Variants in ANAPC1 observed in about 807,000 individuals in gnomAD.
ANAPC1 encodes the protein anaphase-promoting complex subunit 1.
In ANAPC1, 36 loss-of-function variants were observed where a neutral mutation model predicts 208.0. The ratio of observed to expected loss-of-function variants is 0.17; its 90% CI spans 0.13 to 0.23. The LOEUF is 0.23. ANAPC1 is among the 10% of genes least tolerant of loss of function. The pLI is 1.00. For synonymous variants in ANAPC1, 378 were observed against 695.2 expected, an observed-to-expected ratio of 0.54 and a Z score of 7.18; for missense variants, 942 against 2,011.6, an observed-to-expected ratio of 0.47 and a Z score of 10.17.
chr2:111,784,041 T>G (rs1573315998), intron 41 of ANAPC1, 77 bp from the exon 42 acceptor site: 1 of 787,168 alleles, frequency 1.3e-6, no homozygotes, highest in East Asian at 2.6e-5. Context: ...CCTATGTTTC[T>G]CAGAGGAAAC....
chr2:111,792,885 G>A (rs60558456), intron 37 of ANAPC1, among the ~76,000 whole-genome samples: 26,142 of 151,990 alleles, frequency 0.17, 2,289 homozygotes, highest in East Asian at 0.26. Context: ...CCCGGGGTGC[G>A]GAGCTCGCAG....
intron 19 of ANAPC1, among the ~76,000 whole-genome samples, chr2:111,834,333 G>A (rs890011974): frequency 6.6e-6 from 1 of 152,134 alleles, no homozygotes; most frequent in African/African-American, 2.4e-5. Context: ...CAGTCATCCT[G>A]TCAAAATGAA....
chr2:111,842,340 A>G (rs1347749336), intron 17 of ANAPC1, among the ~76,000 whole-genome samples: 1 of 152,282 alleles, frequency 6.6e-6, no homozygotes, highest in South Asian at 2.1e-4. Flanking sequence ...GACAAAAAAC[A>G]AATTTTAAAA....
In ANAPC1 at chr2:111,856,654, T is replaced by C. The variant is rs772755271; in HGVS notation, c.1475A>G (p.Glu492Gly). ...GTATAGCACCAGGTTTCCACTGCCT[T>C]CCAAGACCAGCATGGTGTCTATTTT... ...VEKIDTMLVL[E>G]GSGNLVLYTG... The change falls in exon 13 of 48, where the codon GAA (glutamate) becomes GGA (glycine). Residue 492 changes from glutamate (E) to glycine (G), a missense_variant. Transcript: ENST00000341068. The C allele has an allele frequency of 6.8e-6, 11 of 1,613,842 alleles. No homozygotes were observed. The South Asian group carries it at 1.1e-4, about 16-fold the overall frequency.
At chr2:111,870,011 C>T (rs1558740275) in intron 6 of ANAPC1, among the ~76,000 whole-genome samples, 2 of 152,192 alleles carry the variant, frequency 1.3e-5, no homozygotes, top group Non-Finnish European at 2.9e-5. Flanking sequence ...AGAATCATGG[C>T]CTCCAGTTCC....
rs534142430 is a variant in ANAPC1, at chr2:111,864,526, A to G, written c.831+280T>C. Among the ~76,000 whole-genome samples, 7 of 128,536 alleles carry G rather than the reference A, an allele frequency of 5.4e-5. No individual in the cohort carries two copies. In the East Asian group the frequency reaches 1.7e-3, roughly 32 times the overall value. The allele number at this position is 128,536 out of a possible 152,430, so 84.3% of individuals were successfully genotyped here. A position where few individuals can be genotyped will look rare whatever the true frequency, so the allele number is the denominator to read the frequency against. On this transcript the variant is annotated intron_variant, in intron 8 of 47. Transcript: ENST00000341068. The stretch of plus-strand genomic sequence containing the variant: ...GTGACCCAGGCTGGAGTGCAGTGGC[A>G]TGATCTTGGCTCACGGCAACCTACA...
intron 6 of ANAPC1, among the ~76,000 whole-genome samples, chr2:111,872,001 T>C (rs1558741843): frequency 6.6e-6 from 1 of 152,236 alleles, no homozygotes; most frequent in East Asian, 1.9e-4. Flanking sequence ...CTTGCCTGAT[T>C]GCTCTGGCCA....
Position 111,862,609 on chromosome 2 carries a change from A to C in ANAPC1, c.1053-11T>G, listed in dbSNP as rs1182909146. 9 of 1,607,028 alleles carry C rather than the reference A, an allele frequency of 5.6e-6. No homozygotes were observed. The highest frequency in any genetic ancestry group is 7.6e-6 in the Non-Finnish European group (9 of 1,177,170). On this transcript the variant is annotated splice_polypyrimidine_tract_variant and intron_variant, in intron 9 of 47. Transcript: ENST00000341068. ...GGAGAATGAGCACGACTGCAAAATA[A>C]ACAGAGGAGAGAGTACATCACAGTT... is the stretch of plus-strand genomic sequence containing the variant.
In ANAPC1 at chr2:111,820,838, A is replaced by G. The variant is rs549359845; in HGVS notation, c.3206+401T>C. On this transcript the variant is annotated intron_variant, in intron 26 of 47. Transcript: ENST00000341068. Reference sequence around the variant, plus strand: ...AAAAAAAAATACTCATACAAGTTTAAACTACACTAAAAACCCCACTAACCT... The same window carrying G: ...AAAAAAAAATACTCATACAAGTTTAGACTACACTAAAAACCCCACTAACCT... Among the ~76,000 whole-genome samples the G allele has an allele frequency of 1.5e-3, 226 of 152,326 alleles. 1 individual carries two copies. The highest frequency in any genetic ancestry group is 3.8e-3 in the Admixed American group (58 of 15,296).
intron 16 of ANAPC1, among the ~76,000 whole-genome samples, chr2:111,846,172 T>C (rs945659307): frequency 6.6e-6 from 1 of 152,114 alleles, no homozygotes; most frequent in Non-Finnish European, 1.5e-5. Context: ...GGCATTCTTT[T>C]CTTAACCTAC....
At chr2:111,821,754 T>C (rs1679547772) in intron 25 of ANAPC1, 1 of 385,358 alleles carries the variant, frequency 2.6e-6, no homozygotes, top group Non-Finnish European at 4.8e-6. Flanking sequence ...GCCAACATGG[T>C]GAGGATGATT....
In ANAPC1 at chr2:111,868,083, T is replaced by C. The variant is rs1212283135; in HGVS notation, c.625A>G (p.Thr209Ala). The stretch of plus-strand genomic sequence containing the variant: ...AGTGGGTGCAGCATGCTGAACATAG[T>C]AGGTAAAGGTTCTCTAGCAATAAAC... ...PPGSPREPLP[T>A]MFSMLHPLDE... Residue 209 changes from threonine (T) to alanine (A), a missense_variant, in exon 7 of 48, where the codon ACT (threonine) becomes GCT (alanine). Physicochemically the swap from Thr to Ala is moderately conservative, Grantham distance 58. Coordinates refer to ENST00000341068, the MANE Select transcript of ANAPC1 (RefSeq NM_022662.4). The C allele has an allele frequency of 1.3e-6, 2 of 1,592,366 alleles. No homozygotes were observed. Among genetic ancestry groups the C allele is most frequent in the East Asian group, 4.5e-5 (2 of 44,380 alleles).
intron 29 of ANAPC1, among the ~76,000 whole-genome samples, chr2:111,806,797 C>T (rs1270083056): frequency 6.6e-6 from 1 of 152,252 alleles, no homozygotes; most frequent in Non-Finnish European, 1.5e-5. Context: ...CTAACACTAC[C>T]GTGTTGAAAA....
intron 27 of ANAPC1, among the ~76,000 whole-genome samples, chr2:111,816,488 G>A (rs1426280080): frequency 3.2e-3 from 481 of 149,926 alleles, no homozygotes; most frequent in African/African-American, 0.011. Flanking sequence ...GCATTCACCA[G>A]ATTATACTTT....
At chr2:111,832,234 C>CA (rs1034838522) in intron 20 of ANAPC1, among the ~76,000 whole-genome samples, 6 of 144,616 alleles carry the variant, frequency 4.1e-5, no homozygotes, top group African/African-American at 1.6e-4. Context: ...GCCTGGAAGG[C>CA]AGAGGATGCA....
At chr2:111,849,484 T>C (rs3908059) in intron 14 of ANAPC1, among the ~76,000 whole-genome samples, 3 of 152,232 alleles carry the variant, frequency 2.0e-5, no homozygotes, top group Non-Finnish European at 4.4e-5. Context: ...CAAATACAAC[T>C]GATAGCACTA....
chr2:111,855,439 T>TA (rs143653553), intron 13 of ANAPC1, among the ~76,000 whole-genome samples: 3,389 of 150,830 alleles, frequency 0.022, 109 homozygotes, highest in African/African-American at 0.074. Flanking sequence ...CTTCAATCTG[T>TA]AAAAAAAAAT....
intron 20 of ANAPC1, among the ~76,000 whole-genome samples, chr2:111,832,937 C>CAAAAAAAAAAAAAAAAAAAAAAAAAAAAA (rs908553180): frequency 1.9e-4 from 10 of 53,624 alleles, no homozygotes; most frequent in South Asian, 1.2e-3. Flanking sequence ...GACTCAGTCT[C>CAAAAAAAAAAAAAAAAAAAAAAAAAAAAA]AAAAAAAAAA....
chr2:111,791,891 T>C (rs1344128062), intron 38 of ANAPC1, among the ~76,000 whole-genome samples: 1 of 149,300 alleles, frequency 6.7e-6, no homozygotes, highest in Non-Finnish European at 1.5e-5. Flanking sequence ...CTATGATTTA[T>C]ACACTTTTCT....
Sources: allele counts gnomAD v4.1 joint callset (sites outside exome capture counted in the v4.1 genomes callset), GRCh38; gene constraint gnomAD v4.1.1; transcripts MANE v1.5; gene names NCBI Gene and HGNC (gene_info 2026-07-23, HGNC 2026-07-21).